GABRG3: variants seen among roughly 807,000 people sequenced by gnomAD.
The protein encoded by GABRG3 is gamma-aminobutyric acid type A receptor subunit gamma3.
GABRG3 carries 25 observed loss-of-function variants against 48.8 expected under a neutral mutation model. The ratio of observed to expected loss-of-function variants is 0.51; its 90% CI spans 0.37 to 0.72. The LOEUF is 0.72. GABRG3 is among the 30% of genes least tolerant of loss of function. The probability of loss-of-function intolerance (pLI) is 0.00; values close to 1 mark genes in which losing one functional copy is unlikely to be tolerated. For missense variants in GABRG3, 394 were observed against 577.9 expected (o/e 0.68, Z 3.26); for synonymous variants, 227 against 217.6 (o/e 1.04, Z -0.38).
At chr15:27,094,426 A>G (rs1321139690) in intron 3 of GABRG3, among the ~76,000 whole-genome samples, 3 of 152,218 alleles carry the variant, frequency 2.0e-5, no homozygotes, top group Non-Finnish European at 4.4e-5. Flanking sequence ...CTTGGTCTAG[A>G]AAACAGTGTC....
chr15:27,254,382 C>T (rs778675454), intron 3 of GABRG3, among the ~76,000 whole-genome samples: 5 of 151,978 alleles, frequency 3.3e-5, no homozygotes, highest in African/African-American at 9.7e-5. Flanking sequence ...CTTCTGAGTA[C>T]GCTACTGTGT....
intron 6 of GABRG3, among the ~76,000 whole-genome samples, chr15:27,501,004 T>G (rs1473676375): frequency 7.1e-5 from 10 of 140,000 alleles, no homozygotes; most frequent in East Asian, 4.1e-4. Flanking sequence ...CAGGCTGGAG[T>G]GCAGTGGCGC....
chr15:27,151,044 G>T (rs533322794), intron 3 of GABRG3, among the ~76,000 whole-genome samples: 10 of 152,270 alleles, frequency 6.6e-5, no homozygotes, highest in African/African-American at 2.4e-4. Flanking sequence ...TGGGATAGCT[G>T]TAGCTTTATA....
rs534826349 is a variant in GABRG3, at chr15:27,011,113, C to T, written c.203-15641C>T. Among the ~76,000 whole-genome samples, 9 of 152,168 alleles carry T rather than the reference C, an allele frequency of 5.9e-5. No homozygotes were observed. The South Asian group carries it at 8.3e-4, about 14-fold the overall frequency. ...AACTCCTGACCTCAAGTGATCTTCC[C>T]GCCTCGGCCTCCCAAAGTGCTGGGA... On this transcript the variant is annotated intron_variant, in intron 2 of 9. Transcript: ENST00000615808.
At chr15:27,436,598 G>A (rs908723218) in intron 5 of GABRG3, among the ~76,000 whole-genome samples, 15 of 152,340 alleles carry the variant, frequency 9.8e-5, no homozygotes, top group African/African-American at 3.6e-4. Context: ...CATACAAGTG[G>A]AGATGCTGAG....
chr15:27,219,435 G>A (rs1443272150), intron 3 of GABRG3, among the ~76,000 whole-genome samples: 2 of 152,202 alleles, frequency 1.3e-5, no homozygotes, highest in African/African-American at 4.8e-5. Flanking sequence ...GTGGAACTGA[G>A]TGAGACACAT....
In GABRG3 at chr15:27,397,806, T is replaced by TAA. The variant is rs1440562665; in HGVS notation, c.574+68918_574+68919insAA. 2.6e-3 allele frequency among the ~76,000 whole-genome samples: 391 copies of TAA among 147,836 alleles called. 1 individual carries two copies. The highest frequency in any genetic ancestry group is 8.9e-3 in the African/African-American group (358 of 40,332). ...AGGCATTTTCTTCTCTGAAAAATTT[T>TAA]TTTTTTTTTTTTTTTTGAGACGGAG... is the stretch of plus-strand genomic sequence containing the variant. On this transcript the variant is annotated intron_variant, in intron 5 of 9. Transcript: ENST00000615808.
At chr15:27,059,075 T>G (rs1190484318) in intron 3 of GABRG3, among the ~76,000 whole-genome samples, 1 of 152,350 alleles carries the variant, frequency 6.6e-6, no homozygotes, top group South Asian at 2.1e-4. Flanking sequence ...ATTCTTCATA[T>G]AAGAACTCTG....
intron 2 of GABRG3, among the ~76,000 whole-genome samples, chr15:27,023,613 T>C (rs1895935881): frequency 6.6e-6 from 1 of 152,270 alleles, no homozygotes; most frequent in African/African-American, 2.4e-5. Context: ...CCTCAAGGTT[T>C]ATCCATGTTG....
intron 5 of GABRG3, among the ~76,000 whole-genome samples, chr15:27,348,694 A>G (rs1017107495): frequency 6.6e-6 from 1 of 152,202 alleles, no homozygotes; most frequent in Non-Finnish European, 1.5e-5. Context: ...GGGAAATAAA[A>G]TTTCCTCTAA....
chr15:27,522,301 A>G (rs575368571), intron 7 of GABRG3, among the ~76,000 whole-genome samples: 6 of 151,942 alleles, frequency 3.9e-5, no homozygotes, highest in Middle Eastern at 3.2e-3. Context: ...AATCTGTGCT[A>G]ATTTATCACA....
intron 9 of GABRG3, among the ~76,000 whole-genome samples, chr15:27,530,016 A>C (rs987382474): frequency 1.3e-5 from 2 of 152,210 alleles, no homozygotes; most frequent in African/African-American, 2.4e-5. Flanking sequence ...ACCTGTAGCA[A>C]GAATAATGCT....
chr15:27,059,027 C>T (rs942723907), intron 3 of GABRG3, among the ~76,000 whole-genome samples: 2 of 152,184 alleles, frequency 1.3e-5, no homozygotes, highest in African/African-American at 4.8e-5. Flanking sequence ...GCTGTAACAG[C>T]AGGCTCAAAC....
intron 3 of GABRG3, among the ~76,000 whole-genome samples, chr15:27,175,318 C>T (rs1887712477): frequency 6.6e-6 from 1 of 152,108 alleles, no homozygotes; most frequent in Non-Finnish European, 1.5e-5. Context: ...CTCAGGTGTC[C>T]CTTGCATCAT....
chr15:27,145,665 T>TATCTATCTAATCTATCTATC (rs57021410), intron 3 of GABRG3, among the ~76,000 whole-genome samples: 1 of 138,356 alleles, frequency 7.2e-6, no homozygotes, highest in Admixed American at 7.2e-5. Context: ...ATCTATCTAT[T>TATCTATCTAATCTATCTATC]GTGCCAGAAG....
At chr15:27,409,317 C>T (rs911372323) in intron 5 of GABRG3, among the ~76,000 whole-genome samples, 1 of 152,064 alleles carries the variant, frequency 6.6e-6, no homozygotes, top group Admixed American at 6.6e-5. Context: ...CTATGAATGT[C>T]CAATTTTTCA....
intron 3 of GABRG3, among the ~76,000 whole-genome samples, chr15:27,286,195 G>A (rs1008988547): frequency 2.6e-5 from 4 of 152,212 alleles, no homozygotes; most frequent in African/African-American, 4.8e-5. Flanking sequence ...GTACGGATAT[G>A]TACTGATACG....
chr15:27,173,666 A>G (rs1190689094), intron 3 of GABRG3, among the ~76,000 whole-genome samples: 1 of 150,718 alleles, frequency 6.6e-6, no homozygotes, highest in Non-Finnish European at 1.5e-5. Flanking sequence ...AAAAGAGTTC[A>G]GGAGAAGCCT....
chr15:27,002,288 C>T (rs1314877427), intron 2 of GABRG3, among the ~76,000 whole-genome samples: 3 of 152,170 alleles, frequency 2.0e-5, no homozygotes, highest in African/African-American at 7.2e-5. Context: ...GGGGGATTTT[C>T]CAGTGTTGTC....
Sources: allele counts gnomAD v4.1 joint callset (sites outside exome capture counted in the v4.1 genomes callset), GRCh38; gene constraint gnomAD v4.1.1; transcripts MANE v1.5; gene names NCBI Gene and HGNC (gene_info 2026-07-23, HGNC 2026-07-21).